The following DYSF variants were observed in gnomAD, a reference collection of about 807,000 sequenced individuals.
DYSF encodes the protein dysferlin, also known as dystrophy-associated fer-1-like 1.
A neutral mutation model predicts 274.9 loss-of-function variants in DYSF; 212 were observed. The observed-to-expected ratio is 0.77, with a 90% CI of 0.69 to 0.86. The LOEUF is 0.86. Among genes scored for constraint, DYSF ranks in the 40% least tolerant of loss-of-function variants. The pLI, the probability that DYSF is intolerant of heterozygous loss-of-function variation, is 0.00. For synonymous variants in DYSF, 1,091 were observed against 1,078.7 expected (o/e 1.01, Z -0.22); for missense variants, 2,666 against 2,783.2 (o/e 0.96, Z 0.95).
intron 4 of DYSF, among the ~76,000 whole-genome samples, chr2:71,507,978 C>T (rs1280699021): frequency 6.6e-6 from 1 of 152,150 alleles, no homozygotes; most frequent in African/African-American, 2.4e-5. Flanking sequence ...GAATAAGGGG[C>T]TCTGCATTTT....
At chr2:71,570,970 A>C in intron 29 of DYSF, 3 of 604,902 alleles carry the variant, frequency 5.0e-6, no homozygotes, top group Non-Finnish European at 8.7e-6. Flanking sequence ...CAGCATACAC[A>C]CAGATCACAC....
chr2:71,477,795 A>G (rs1299693061), intron 1 of DYSF, among the ~76,000 whole-genome samples: 2 of 152,252 alleles, frequency 1.3e-5, no homozygotes, highest in Non-Finnish European at 2.9e-5. Context: ...TAAGAAGTTA[A>G]GAACTACTAC....
chr2:71,495,128 T>G (rs1353702254), intron 3 of DYSF, among the ~76,000 whole-genome samples: 1 of 152,168 alleles, frequency 6.6e-6, no homozygotes, highest in Non-Finnish European at 1.5e-5. Context: ...ACCAGAACTC[T>G]CTGAAGTATT....
chr2:71,495,863 G>A (rs2084332549), intron 3 of DYSF, among the ~76,000 whole-genome samples: 1 of 151,920 alleles, frequency 6.6e-6, no homozygotes, highest in South Asian at 2.1e-4. Context: ...AGAGGTGGAA[G>A]AGAAGGGTTC....
chr2:71,649,660 C>G (rs893370336), intron 42 of DYSF, among the ~76,000 whole-genome samples: 2 of 151,824 alleles, frequency 1.3e-5, no homozygotes, highest in Non-Finnish European at 2.9e-5. Context: ...GCCCCACACA[C>G]AGAAAGTGGA....
At chr2:71,574,398 T>G (rs1374935918) in intron 30 of DYSF, 27 bp downstream of exon 30, 1 of 1,610,514 alleles carries the variant, frequency 6.2e-7, no homozygotes, top group Admixed American at 1.7e-5. Context: ...TTGTCCTGGC[T>G]TGGGTAGGGT....
At chr2:71,533,648 C>T (rs1360607526) in intron 14 of DYSF, among the ~76,000 whole-genome samples, 1 of 152,208 alleles carries the variant, frequency 6.6e-6, no homozygotes, top group East Asian at 1.9e-4. Flanking sequence ...ATTCATAGGG[C>T]AGTGGGAACA....
At chr2:71,644,215 G>A in intron 42 of DYSF, 152 bp downstream of exon 42, 1 of 773,398 alleles carries the variant, frequency 1.3e-6, no homozygotes, top group Non-Finnish European at 2.2e-6. Context: ...CCAGCTGGGT[G>A]AGAAAGCCAC....
In DYSF at chr2:71,574,193, T is replaced by C. The variant is rs794727532; in HGVS notation, c.3229-5T>C. ...GCCTCTGAGTCTGCCCCTTCTCTTG[T>C]GCAGCACAGGCAGGCGGAGGCGGAG... On this transcript the variant is annotated splice_polypyrimidine_tract_variant and splice_region_variant and intron_variant, in intron 29 of 55. Coordinates refer to ENST00000410020, the MANE Select transcript of DYSF (RefSeq NM_001130987.2). 14 of 1,613,562 alleles carry C rather than the reference T, an allele frequency of 8.7e-6. No individual in the cohort carries two copies. The highest frequency in any genetic ancestry group is 1.7e-5 in the Admixed American group (1 of 60,002).
intron 17 of DYSF, among the ~76,000 whole-genome samples, chr2:71,539,938 C>G (rs564800240): frequency 6.6e-6 from 1 of 152,216 alleles, no homozygotes; most frequent in South Asian, 2.1e-4. Context: ...GTATCATGAT[C>G]CACGTTAACT....
chr2:71,506,298 C>T (rs1031064843), intron 4 of DYSF, among the ~76,000 whole-genome samples: 2 of 152,172 alleles, frequency 1.3e-5, no homozygotes, highest in African/African-American at 2.4e-5. Flanking sequence ...GGAGGTCATT[C>T]GCCTTCAGTT....
chr2:71,618,434 G>GGTGT (rs1558640252), intron 40 of DYSF, among the ~76,000 whole-genome samples: 1 of 45,726 alleles, frequency 2.2e-5, no homozygotes, highest in African/African-American at 9.2e-5. Context: ...GTAGAGGTGG[G>GGTGT]GTGTGTGTGG....
chr2:71,681,251 A>C, intron 54 of DYSF, 141 bp downstream of exon 54: 1 of 759,162 alleles, frequency 1.3e-6, no homozygotes, highest in Admixed American at 2.0e-5. Flanking sequence ...CCAAGGCCAC[A>C]CAGTAAGTTA....
intron 41 of DYSF, among the ~76,000 whole-genome samples, chr2:71,632,088 G>C (rs1278154095): frequency 6.6e-6 from 1 of 152,160 alleles, no homozygotes; most frequent in Non-Finnish European, 1.5e-5. Flanking sequence ...GCTTCCCTTG[G>C]AAATCTACAG....
At chr2:71,622,128 T>TTG (rs1422741212) in intron 41 of DYSF, among the ~76,000 whole-genome samples, 1 of 121,770 alleles carries the variant, frequency 8.2e-6, no homozygotes, top group African/African-American at 3.1e-5. Context: ...GATGATTTCT[T>TTG]TGTTTTTTTT....
chr2:71,638,780 C>T (rs1269964514), intron 41 of DYSF, among the ~76,000 whole-genome samples: 1 of 152,132 alleles, frequency 6.6e-6, no homozygotes, highest in Non-Finnish European at 1.5e-5. Context: ...ATGAATAATG[C>T]TGCTTTGAAC....
chr2:71,526,405 T>TGGGGTGG, intron 13 of DYSF, 59 bp downstream of exon 13: 1 of 370,362 alleles, frequency 2.7e-6, no homozygotes, highest in Middle Eastern at 7.5e-4. Context: ...GCAGGGCTGG[T>TGGGGTGG]GGGGGTGGGC....
intron 40 of DYSF, among the ~76,000 whole-genome samples, chr2:71,616,636 A>C (rs1365456512): frequency 1.3e-5 from 2 of 152,170 alleles, no homozygotes; most frequent in Admixed American, 1.3e-4. Context: ...GGGAGAGCAG[A>C]AGTGTCCTAT....
chr2:71,527,769 ATATC>A lies in DYSF; in HGVS notation c.1277-519_1277-516del, dbSNP rs943708276. 1.1e-3 allele frequency among the ~76,000 whole-genome samples: 174 copies of A among 152,342 alleles called. 1 individual carries two copies. The highest frequency in any genetic ancestry group is 3.7e-3 in the African/African-American group (154 of 41,558). ...CATATGTATGTGTATACACATAAAC[ATATC>A]TATCTATCTGTATCTACATATATAA... is the stretch of plus-strand genomic sequence containing the variant. On this transcript the variant is annotated intron_variant, in intron 13 of 55. Coordinates refer to ENST00000410020, the MANE Select transcript of DYSF (RefSeq NM_001130987.2).
Sources: allele counts gnomAD v4.1 joint callset (sites outside exome capture counted in the v4.1 genomes callset), GRCh38; gene constraint gnomAD v4.1.1; transcripts MANE v1.5; gene names NCBI Gene and HGNC (gene_info 2026-07-23, HGNC 2026-07-21).